CCDC33: variants seen among roughly 807,000 people sequenced by gnomAD.
The protein encoded by CCDC33 is coiled-coil domain-containing protein 33.
A neutral mutation model predicts 91.9 loss-of-function variants in CCDC33; 94 were observed. The observed-to-expected ratio is 1.02, with a 90% confidence interval of 0.87 to 1.21. The LOEUF is 1.21. CCDC33 is among the 50% of genes most tolerant of loss of function. CCDC33 has a pLI of 0.00. For missense variants in CCDC33, 940 were observed against 935.5 expected (o/e 1.00, Z -0.06); for synonymous variants, 396 against 374.5 (o/e 1.06, Z -0.66).
intron 11 of CCDC33, among the ~76,000 whole-genome samples, chr15:74,329,889 T>C (rs1355488043): frequency 6.6e-6 from 1 of 152,188 alleles, no homozygotes; most frequent in Non-Finnish European, 1.5e-5. Flanking sequence ...CAAGTCTCCA[T>C]TGCCCATAGG....
rs199851450 is a variant in CCDC33 at position 74,330,228 on chromosome 15, G to A, written c.1330G>A (p.Glu444Lys). 91 of 1,612,598 alleles carry A rather than the reference G, an allele frequency of 5.6e-5. No homozygotes were observed. The highest frequency in any genetic ancestry group is 7.2e-5 in the Non-Finnish European group (85 of 1,179,288). The change falls in exon 12 of 19, where the codon GAG becomes AAG. Residue 444 changes from glutamate (E) to lysine (K), a missense_variant. Coordinates refer to ENST00000398814, the MANE Select transcript of CCDC33 (RefSeq NM_025055.5). Reference protein sequence around the residue: ...NYRRAMQKMAEDILSLRRQAS... With the variant: ...NYRRAMQKMAKDILSLRRQAS... ...CCGGCGGGCCATGCAGAAGATGGCAGAGGACATCCTGTCTCTGCGGAGACA... is the reference window on the plus strand; with the variant it reads ...CCGGCGGGCCATGCAGAAGATGGCAAAGGACATCCTGTCTCTGCGGAGACA...
At chr15:74,289,785 T>A (rs977340528) in intron 10 of CCDC33, among the ~76,000 whole-genome samples, 1 of 99,824 alleles carries the variant, frequency 1.0e-5, no homozygotes, top group African/African-American at 2.5e-5. Context: ...AGAACCTTTG[T>A]CTATTTATTT....
chr15:74,330,045 C>G, intron 11 of CCDC33, 144 bp from the exon 12 acceptor site: 1 of 840,832 alleles, frequency 1.2e-6, no homozygotes, highest in Non-Finnish European at 1.8e-6. Context: ...TTCCAGGGAG[C>G]TGCTAAGACT....
intron 11 of CCDC33, among the ~76,000 whole-genome samples, chr15:74,323,033 T>C (rs2142831328): frequency 6.6e-6 from 1 of 152,148 alleles, no homozygotes; most frequent in East Asian, 1.9e-4. Flanking sequence ...CTCCAGCCCA[T>C]ACCTCCCCTA....
intron 1 of CCDC33, among the ~76,000 whole-genome samples, chr15:74,203,847 C>T (rs143819422): frequency 1.3e-5 from 2 of 150,872 alleles, no homozygotes; most frequent in East Asian, 2.0e-4. Context: ...AGAACCTTTC[C>T]GTGGTGATCT....
Position 74,208,096 on chromosome 15 carries a change from T to C in CCDC33, n.90-1292T>C, listed in dbSNP as rs553889293. On this transcript the variant is annotated intron_variant and non_coding_transcript_variant, in intron 1 of 3. Coordinates refer to the CCDC33 transcript ENST00000558645. ...GCTGTTCTGGTATGAGGGTGGACAC[T>C]GGTGAGGAGGAGGAGGGTAGCCGGC... 798 of 1,176,912 alleles carry C rather than the reference T, an allele frequency of 6.8e-4. 16 individuals are homozygous for C. In the South Asian group the frequency reaches 0.015, roughly 22 times the overall value. The allele number at this position is 1,176,912 out of a possible 1,614,324, so 72.9% of individuals were successfully genotyped here.
chr15:74,204,861 G>A (rs949518864), intron 1 of CCDC33, among the ~76,000 whole-genome samples: 6 of 152,156 alleles, frequency 3.9e-5, no homozygotes, highest in Non-Finnish European at 8.8e-5. Flanking sequence ...CTTGAACCCA[G>A]GGGGCAGAGG....
At chr15:74,279,336 G>C (rs965340276) in intron 7 of CCDC33, among the ~76,000 whole-genome samples, 1 of 152,016 alleles carries the variant, frequency 6.6e-6, no homozygotes, top group African/African-American at 2.4e-5. Flanking sequence ...GGTTTTACTG[G>C]CAAATGAAAA....
intron 1 of CCDC33, chr15:74,243,711 C>T (rs1045153490): frequency 1.4e-5 from 7 of 497,882 alleles, no homozygotes; most frequent in East Asian, 1.1e-4. Flanking sequence ...AATCCCAGCA[C>T]TCTGGGAGGC....
Position 74,224,215 on chromosome 15 carries a change from C to G in CCDC33, c.675+5354C>G, listed in dbSNP as rs1448534417. Among the ~76,000 whole-genome samples, 3 of 152,096 alleles carry G rather than the reference C, an allele frequency of 2.0e-5. No individual in the cohort carries two copies. The South Asian group carries it at 6.2e-4, about 32-fold the overall frequency. Reference sequence around the variant, plus strand: ...GGGGGCACTTCCAGCCCCCACTTCACCCCTGCACCTCCCACCCTGTCAGGG... The same window carrying G: ...GGGGGCACTTCCAGCCCCCACTTCAGCCCTGCACCTCCCACCCTGTCAGGG... On this transcript the variant is annotated intron_variant, in intron 2 of 2. Coordinates refer to the CCDC33 transcript ENST00000635913.
intron 10 of CCDC33, among the ~76,000 whole-genome samples, chr15:74,295,182 AC>A (rs1194163715): frequency 6.6e-6 from 1 of 152,246 alleles, no homozygotes; most frequent in Non-Finnish European, 1.5e-5. Flanking sequence ...TTATTCTTCC[AC>A]CAAAAATGTA....
chr15:74,259,412 A>G (rs1323401437), intron 2 of CCDC33, among the ~76,000 whole-genome samples: 2 of 151,994 alleles, frequency 1.3e-5, no homozygotes, highest in Non-Finnish European at 2.9e-5. Flanking sequence ...GAAGAATCAG[A>G]GGCCCTTCTT....
At chr15:74,249,241 C>T (rs964356252) in intron 2 of CCDC33, among the ~76,000 whole-genome samples, 3 of 152,152 alleles carry the variant, frequency 2.0e-5, no homozygotes, top group African/African-American at 7.2e-5. Flanking sequence ...AATCCCAGCA[C>T]TTTGGGAGGC....
rs796911648 is a variant in CCDC33 at position 74,297,845 on chromosome 15, C to T, written c.1290+1897C>T. On this transcript the variant is annotated intron_variant, in intron 11 of 18. Coordinates refer to ENST00000398814, the MANE Select transcript of CCDC33 (RefSeq NM_025055.5). ...AGGGCTCAGAGCAACCTCTCCTGCT[C>T]AGCTGCCCCGGAGGGGCCAACCAGC... Among the ~76,000 whole-genome samples, 97 of 152,372 alleles carry T rather than the reference C, an allele frequency of 6.4e-4. 1 individual carries two copies. Among genetic ancestry groups the T allele is most frequent in the African/African-American group, 2.3e-3 (95 of 41,578 alleles).
At chr15:74,288,911 AC>A (rs2059531041) in intron 10 of CCDC33, among the ~76,000 whole-genome samples, 1 of 152,196 alleles carries the variant, frequency 6.6e-6, no homozygotes, top group African/African-American at 2.4e-5. Flanking sequence ...TGTAATCCCT[AC>A]CAGCCAGGAA....
chr15:74,208,155 A>G (rs1214130884), intron 1 of CCDC33: 3 of 781,316 alleles, frequency 3.8e-6, no homozygotes, highest in Non-Finnish European at 3.3e-6. Flanking sequence ...TTTCCCTCCC[A>G]GAGGGCTAGG....
At chr15:74,309,029 C>T (rs1479473941) in intron 11 of CCDC33, among the ~76,000 whole-genome samples, 2 of 152,134 alleles carry the variant, frequency 1.3e-5, no homozygotes, top group Non-Finnish European at 2.9e-5. Context: ...AGAGCTGGCT[C>T]AGGATCTGGG....
Position 74,266,787 on chromosome 15 carries a change from G to T in CCDC33, c.429G>T (p.Lys143Asn). ...ACCCCTACCACTTTGAGCTGGTGAA[G>T]GTGAGTCAGAGGCCTGGGGAAGTGC... is the stretch of plus-strand genomic sequence containing the variant. ...VFHPYHFELVKPTESGKADEA... is the reference protein window; with the variant it reads ...VFHPYHFELVNPTESGKADEA... Residue 143 changes from lysine (K) to asparagine (N), a missense_variant and splice_region_variant, in exon 4 of 19, where the codon AAG becomes AAT. Transcript: ENST00000398814. 6.2e-7 allele frequency: 1 copy of T among 1,611,486 alleles called. No individual in the cohort carries two copies.
chr15:74,312,286 G>A (rs2060006913), intron 11 of CCDC33, among the ~76,000 whole-genome samples: 1 of 152,220 alleles, frequency 6.6e-6, no homozygotes. Context: ...ACCCCCGCTA[G>A]GCACATCTTC....
Sources: gnomAD v4.1 joint callset for allele counts (sites outside exome capture counted in the v4.1 genomes callset) on GRCh38, gnomAD v4.1.1 for gene constraint, MANE v1.5 for transcripts, NCBI Gene and HGNC (gene_info 2026-07-23, HGNC 2026-07-21) for gene names.